DENND1B: variants seen among roughly 807,000 people sequenced by gnomAD.
DENND1B encodes the protein DENN domain-containing protein 1B.
In DENND1B, 59 loss-of-function variants were observed where a neutral mutation model predicts 90.1. The observed-to-expected ratio is 0.65, with a 90% CI of 0.53 to 0.81. DENND1B has a LOEUF of 0.81. DENND1B is among the 40% of genes least tolerant of loss of function. The probability of loss-of-function intolerance (pLI) is 0.00; values close to 1 mark genes in which losing one functional copy is unlikely to be tolerated. For synonymous variants in DENND1B, 337 were observed against 324.6 expected (o/e 1.04, Z -0.41); for missense variants, 862 against 912.6 (o/e 0.94, Z 0.71).
intron 2 of DENND1B, among the ~76,000 whole-genome samples, chr1:197,746,003 T>C (rs913736142): frequency 2.0e-5 from 3 of 152,204 alleles, no homozygotes; most frequent in African/African-American, 4.8e-5. Context: ...ACAGTGTCAA[T>C]TGAAACTTTT....
intron 2 of DENND1B, among the ~76,000 whole-genome samples, chr1:197,759,592 A>G (rs1157413635): frequency 6.6e-6 from 1 of 151,084 alleles, no homozygotes; most frequent in Non-Finnish European, 1.5e-5. Flanking sequence ...CAAAAAAAAA[A>G]GTTAGCTGGG....
At chr1:197,734,759 T>C (rs944197244) in intron 2 of DENND1B, 3 of 983,346 alleles carry the variant, frequency 3.1e-6, no homozygotes, top group Non-Finnish European at 3.6e-6. Context: ...CATAGAGTAA[T>C]ATAAATTGAT....
At chr1:197,726,817 C>A (rs2102298294) in intron 2 of DENND1B, among the ~76,000 whole-genome samples, 1 of 152,228 alleles carries the variant, frequency 6.6e-6, no homozygotes, top group South Asian at 2.1e-4. Context: ...TCATCTATAC[C>A]TTCATGTTAG....
At chr1:197,530,517 A>G (rs981015582) in intron 20 of DENND1B, among the ~76,000 whole-genome samples, 5 of 152,184 alleles carry the variant, frequency 3.3e-5, no homozygotes, top group African/African-American at 9.6e-5. Context: ...TCTTGGTACA[A>G]TAAGTTTTAT....
At chr1:197,654,683 T>C (rs1039189636) in intron 6 of DENND1B, among the ~76,000 whole-genome samples, 2 of 152,172 alleles carry the variant, frequency 1.3e-5, no homozygotes, top group African/African-American at 2.4e-5. Context: ...CCAGTTACCT[T>C]TGTATTACCA....
chr1:197,547,665 C>G (rs747154374), intron 16 of DENND1B, among the ~76,000 whole-genome samples: 1 of 152,110 alleles, frequency 6.6e-6, no homozygotes, highest in Non-Finnish European at 1.5e-5. Context: ...AATGTAACTA[C>G]CTAAAATAAC....
intron 3 of DENND1B, among the ~76,000 whole-genome samples, chr1:197,692,910 C>G (rs1046163247): frequency 6.6e-6 from 1 of 151,632 alleles, no homozygotes; most frequent in African/African-American, 2.4e-5. Flanking sequence ...TTCCTGAACT[C>G]CAGTCAGAGG....
intron 13 of DENND1B, among the ~76,000 whole-genome samples, chr1:197,601,559 A>C (rs898542167): frequency 3.3e-5 from 5 of 151,722 alleles, no homozygotes; most frequent in Non-Finnish European, 5.9e-5. Context: ...CAAGAGAAAG[A>C]AGCATGGGAG....
chr1:197,525,771 G>A (rs1412001066), intron 20 of DENND1B, among the ~76,000 whole-genome samples: 2 of 151,968 alleles, frequency 1.3e-5, no homozygotes, highest in African/African-American at 4.8e-5. Flanking sequence ...CACATAAGTA[G>A]AGTATTAAAA....
intron 3 of DENND1B, among the ~76,000 whole-genome samples, chr1:197,685,974 A>G (rs891190871): frequency 6.6e-6 from 1 of 152,186 alleles, no homozygotes; most frequent in Non-Finnish European, 1.5e-5. Flanking sequence ...CTTATCATGT[A>G]GAATGCTTTC....
chr1:197,629,207 G>T (rs1451024376), intron 10 of DENND1B, among the ~76,000 whole-genome samples: 3 of 151,898 alleles, frequency 2.0e-5, no homozygotes, highest in Admixed American at 2.0e-4. Context: ...AAATCATGCT[G>T]CTATAAAGAC....
chr1:197,752,387 G>C (rs1653672716), intron 2 of DENND1B, among the ~76,000 whole-genome samples: 1 of 152,088 alleles, frequency 6.6e-6, no homozygotes, highest in South Asian at 2.1e-4. Context: ...TAAAGAATTT[G>C]AATTCATAAT....
chr1:197,727,859 G>A (rs2102303214), intron 2 of DENND1B, among the ~76,000 whole-genome samples: 1 of 152,160 alleles, frequency 6.6e-6, no homozygotes, highest in Non-Finnish European at 1.5e-5. Flanking sequence ...TACAGGGACT[G>A]CTCCAAATCT....
chr1:197,647,351 T>A (rs1343588174), intron 7 of DENND1B, among the ~76,000 whole-genome samples: 2 of 152,114 alleles, frequency 1.3e-5, no homozygotes, highest in Non-Finnish European at 2.9e-5. Flanking sequence ...TATTTGACGA[T>A]TTTGAAATGT....
chr1:197,693,935 T>C (rs2102107486), intron 3 of DENND1B, among the ~76,000 whole-genome samples: 1 of 151,658 alleles, frequency 6.6e-6, no homozygotes, highest in African/African-American at 2.4e-5. Flanking sequence ...GTAACATATG[T>C]TGATCAAGTT....
chr1:197,747,891 T>G (rs540838389), intron 2 of DENND1B, among the ~76,000 whole-genome samples: 1 of 152,342 alleles, frequency 6.6e-6, no homozygotes, highest in Admixed American at 6.5e-5. Flanking sequence ...ATGTCACTTG[T>G]GCCATAGATA....
chr1:197,596,572 T>C, intron 13 of DENND1B, among the ~76,000 whole-genome samples: 1 of 151,962 alleles, frequency 6.6e-6, no homozygotes, highest in East Asian at 1.9e-4. Context: ...AAAATAGTCA[T>C]TTCTCCTTTT....
chr1:197,627,287 C>T (rs2125886733), intron 10 of DENND1B, among the ~76,000 whole-genome samples: 1 of 152,242 alleles, frequency 6.6e-6, no homozygotes, highest in Middle Eastern at 3.4e-3. Flanking sequence ...CAATAGAATA[C>T]TGGAAAACCG....
At chr1:197,773,670 A>C (rs933655710) in intron 1 of DENND1B, among the ~76,000 whole-genome samples, 1 of 152,226 alleles carries the variant, frequency 6.6e-6, no homozygotes, top group African/African-American at 2.4e-5. Context: ...TTAATTCAGA[A>C]GTTATTGACT....
Sources: gnomAD v4.1 joint callset for allele counts (sites outside exome capture counted in the v4.1 genomes callset) on GRCh38, gnomAD v4.1.1 for gene constraint, MANE v1.5 for transcripts, NCBI Gene and HGNC (gene_info 2026-07-23, HGNC 2026-07-21) for gene names.